Variants in KIF26B observed in about 807,000 individuals in gnomAD.
KIF26B encodes kinesin family member 26B, also known as kinesin-like protein KIF26B.
KIF26B carries 63 observed loss-of-function variants against 151.2 expected under a neutral mutation model. The ratio of observed to expected loss-of-function variants is 0.42; its 90% CI spans 0.34 to 0.51. The LOEUF is 0.51. Among genes scored for constraint, KIF26B ranks in the 20% least tolerant of loss-of-function variants. The pLI is 0.07. For missense variants in KIF26B, 2,813 were observed against 2,913.6 expected, an observed-to-expected ratio of 0.97 and a Z score of 0.79; for synonymous variants, 1,357 against 1,262.1, an observed-to-expected ratio of 1.08 and a Z score of -1.59.
At chr1:245,306,853 G>A (rs1251530034) in intron 2 of KIF26B, among the ~76,000 whole-genome samples, 3 of 152,128 alleles carry the variant, frequency 2.0e-5, no homozygotes, top group African/African-American at 4.8e-5. Context: ...CCGGGATGTC[G>A]GCTTGCTCAT....
At chr1:245,459,677 A>G (rs904952702) in intron 4 of KIF26B, among the ~76,000 whole-genome samples, 1 of 152,154 alleles carries the variant, frequency 6.6e-6, no homozygotes, top group African/African-American at 2.4e-5. Context: ...TGAAGGAGTG[A>G]ACGGGCACTT....
chr1:245,676,416 C>T lies in KIF26B; in HGVS notation c.2259-7817C>T, dbSNP rs187402244. 9 of 152,336 alleles carry T rather than the reference C, an allele frequency of 5.9e-5. No homozygotes were observed. In the East Asian group the frequency reaches 1.7e-3, roughly 29 times the overall value. The allele number at this position is 152,336 out of a possible 1,614,324, so 9.4% of individuals were successfully genotyped here. ...TTATATCCACTTCAGTCATTCATTG[C>T]AAGCGAGTCTTGTTCAATGAGATCA... On this transcript the variant is annotated intron_variant, in intron 10 of 14. Coordinates refer to ENST00000407071, the MANE Select transcript of KIF26B (RefSeq NM_018012.4).
intron 4 of KIF26B, among the ~76,000 whole-genome samples, chr1:245,436,865 C>T (rs7544974): frequency 0.041 from 6,045 of 148,826 alleles, 410 homozygotes; most frequent in African/African-American, 0.14. Context: ...CTGGAACTTA[C>T]TTCTCTCTCT....
intron 8 of KIF26B, among the ~76,000 whole-genome samples, chr1:245,610,549 C>T (rs1283289703): frequency 6.6e-6 from 1 of 152,184 alleles, no homozygotes; most frequent in Admixed American, 6.5e-5. Context: ...TGTGCAGAGA[C>T]AGTATCTACA....
At chr1:245,474,631 T>C (rs1171351224) in intron 4 of KIF26B, among the ~76,000 whole-genome samples, 1 of 151,524 alleles carries the variant, frequency 6.6e-6, no homozygotes, top group Non-Finnish European at 1.5e-5. Flanking sequence ...CAGGCTGGTC[T>C]TGAACTCCTG....
At chr1:245,676,973 G>C (rs954336217) in intron 10 of KIF26B, among the ~76,000 whole-genome samples, 4 of 152,166 alleles carry the variant, frequency 2.6e-5, no homozygotes, top group Admixed American at 2.6e-4. Context: ...CGGGAAGAAC[G>C]CGTCTCTCCC....
intron 10 of KIF26B, among the ~76,000 whole-genome samples, chr1:245,682,890 A>G (rs141018054): frequency 1.9e-3 from 284 of 151,748 alleles, no homozygotes; most frequent in African/African-American, 6.5e-3. Flanking sequence ...GTTCTGAAGG[A>G]GTTAAACTTT....
chr1:245,441,660 T>C (rs1392449750), intron 4 of KIF26B, among the ~76,000 whole-genome samples: 2 of 152,082 alleles, frequency 1.3e-5, no homozygotes, highest in Admixed American at 6.6e-5. Flanking sequence ...TATGTGGAGA[T>C]TGATAATCAA....
chr1:245,619,185 C>T (rs188724876), intron 9 of KIF26B, among the ~76,000 whole-genome samples: 42 of 144,902 alleles, frequency 2.9e-4, no homozygotes, highest in African/African-American at 1.0e-3. Flanking sequence ...AGACAGACTG[C>T]CACAGTGCTG....
chr1:245,554,060 G>A (rs894648914), intron 5 of KIF26B, among the ~76,000 whole-genome samples: 1 of 152,040 alleles, frequency 6.6e-6, no homozygotes, highest in African/African-American at 2.4e-5. Context: ...TTCCAGGTCT[G>A]GCTAAGTGCC....
chr1:245,678,219 A>G (rs1324581938), intron 10 of KIF26B, among the ~76,000 whole-genome samples: 2 of 146,810 alleles, frequency 1.4e-5, no homozygotes, highest in East Asian at 4.0e-4. Context: ...TCTCCTCTTC[A>G]CTCTGCAGCC....
chr1:245,337,525 T>C (rs1379502928), intron 2 of KIF26B, among the ~76,000 whole-genome samples: 1 of 81,768 alleles, frequency 1.2e-5, no homozygotes, highest in African/African-American at 1.0e-4. Flanking sequence ...GAAATGTGTG[T>C]GTGTGTGTGT....
intron 4 of KIF26B, among the ~76,000 whole-genome samples, chr1:245,467,428 G>A (rs527277160): frequency 1.1e-4 from 16 of 152,268 alleles, no homozygotes; most frequent in Middle Eastern, 3.4e-3. Flanking sequence ...GGTTCCTGGA[G>A]AAAAGGGTCT....
intron 2 of KIF26B, among the ~76,000 whole-genome samples, chr1:245,251,014 AAG>A (rs894564189): frequency 4.6e-5 from 7 of 152,186 alleles, no homozygotes; most frequent in Non-Finnish European, 1.0e-4. Flanking sequence ...GCAAGCTTCC[AAG>A]AGTCTTCTCC....
At chr1:245,566,165 C>T (rs2043008407) in intron 5 of KIF26B, among the ~76,000 whole-genome samples, 2 of 152,228 alleles carry the variant, frequency 1.3e-5, no homozygotes, top group Admixed American at 6.5e-5. Flanking sequence ...GAGGGGCAAA[C>T]CTCTGAGCCA....
chr1:245,698,753 G>T lies in KIF26B; in HGVS notation c.6028-134G>T. ...TTGAGGTCTGTCAAGGGAGAATTTG[G>T]TGGGGATGACCCATGTCCCTCCCAC... On this transcript the variant is annotated intron_variant, in intron 13 of 14. Transcript: ENST00000407071. The surrounding 1 kb of genome is among the most constrained non-coding windows in gnomAD (Gnocchi z 4.0). The T allele has an allele frequency of 9.5e-7, 1 of 1,056,518 alleles. No individual in the cohort carries two copies. The highest frequency in any genetic ancestry group is 2.6e-5 in the East Asian group (1 of 38,800). 65.4% of individuals were successfully genotyped at this position (1,056,518 alleles called of 1,614,324 possible). A position where few individuals can be genotyped will look rare whatever the true frequency, so the allele number is the denominator to read the frequency against.
chr1:245,374,342 T>C lies in KIF26B; in HGVS notation c.999+6975T>C, dbSNP rs1367902838. Among the ~76,000 whole-genome samples, 12 of 151,372 alleles carry C rather than the reference T, an allele frequency of 7.9e-5. No homozygotes were observed. In the East Asian group the frequency reaches 2.3e-3, roughly 30 times the overall value. Reference sequence around the variant, plus strand: ...CAAGTGCTGTTGTACTCAGAGGCTTTGCCGATTGTGGCTTCGTGGAAAGCA... The same window carrying C: ...CAAGTGCTGTTGTACTCAGAGGCTTCGCCGATTGTGGCTTCGTGGAAAGCA... On this transcript the variant is annotated intron_variant, in intron 3 of 14. Transcript: ENST00000407071.
intron 2 of KIF26B, among the ~76,000 whole-genome samples, chr1:245,308,832 A>C (rs1671609257): frequency 6.6e-6 from 1 of 152,216 alleles, no homozygotes. Context: ...AGGGAGTAAC[A>C]GGTTCAGTTC....
At chr1:245,271,013 T>C (rs1670848102) in intron 2 of KIF26B, among the ~76,000 whole-genome samples, 1 of 152,216 alleles carries the variant, frequency 6.6e-6, no homozygotes, top group South Asian at 2.1e-4. Context: ...GAGACAATCC[T>C]TTCCCCACTG....
Sources: gnomAD v4.1 joint callset for allele counts (sites outside exome capture counted in the v4.1 genomes callset) on GRCh38, gnomAD v4.1.1 for gene constraint, Gnocchi (gnomAD v3.1) non-coding constraint, MANE v1.5 for transcripts, NCBI Gene and HGNC (gene_info 2026-07-23, HGNC 2026-07-21) for gene names.